The following PMEPA1 variants were observed in gnomAD, a reference collection of about 807,000 sequenced individuals.
The protein encoded by PMEPA1 is prostate transmembrane protein, androgen induced 1, also known as protein TMEPAI.
PMEPA1 carries 11 observed loss-of-function variants against 23.0 expected under a neutral mutation model. The ratio of observed to expected loss-of-function variants is 0.48; its 90% CI spans 0.30 to 0.79. The LOEUF (loss-of-function observed/expected upper bound fraction) is 0.79, where lower values mean the gene tolerates loss of function less well. PMEPA1 is among the 30% of genes least tolerant of loss of function. The probability of loss-of-function intolerance (pLI) is 0.06; values close to 1 mark genes in which losing one functional copy is unlikely to be tolerated. For synonymous variants in PMEPA1, 204 were observed against 166.4 expected (o/e 1.23, Z -1.74); for missense variants, 377 against 390.9 (o/e 0.96, Z 0.30).
chr20:57,679,083 G>T (rs776100531), intron 1 of PMEPA1, among the ~76,000 whole-genome samples: 1 of 152,206 alleles, frequency 6.6e-6, no homozygotes, highest in Non-Finnish European at 1.5e-5. Context: ...ACATGGAACA[G>T]AACTAGAGCA....
Position 57,656,763 on chromosome 20 carries a change from T to C in PMEPA1, c.264+2780A>G, listed in dbSNP as rs146575606. Among the ~76,000 whole-genome samples the C allele has an allele frequency of 1.9e-3, 292 of 152,194 alleles. No individual in the cohort carries two copies. Among genetic ancestry groups the C allele is most frequent in the African/African-American group, 6.6e-3 (273 of 41,538 alleles). On this transcript the variant is annotated intron_variant, in intron 2 of 3. Coordinates refer to ENST00000341744, the MANE Select transcript of PMEPA1 (RefSeq NM_020182.5). The surrounding 1 kb of genome is among the most constrained non-coding windows in gnomAD (Gnocchi z 4.7). ...GGTGAGGCACGAGCTCTTGTCTCCA[T>C]ACAGGCAAGAGGGGACCCCCAGGGT... is the stretch of plus-strand genomic sequence containing the variant.
intron 1 of PMEPA1, among the ~76,000 whole-genome samples, chr20:57,661,392 A>G (rs1331484766): frequency 1.3e-5 from 2 of 152,174 alleles, no homozygotes; most frequent in East Asian, 3.9e-4. Context: ...CCGGGGCCAA[A>G]GCTCCTCCAG....
chr20:57,680,294 A>T (rs2071695222), intron 1 of PMEPA1, among the ~76,000 whole-genome samples: 1 of 152,204 alleles, frequency 6.6e-6, no homozygotes, highest in African/African-American at 2.4e-5. Context: ...AGATGAAGGG[A>T]CTGGGACCTC....
At chr20:57,707,158 C>T (rs936979633) in intron 1 of PMEPA1, among the ~76,000 whole-genome samples, 3 of 152,140 alleles carry the variant, frequency 2.0e-5, no homozygotes, top group Non-Finnish European at 2.9e-5. Context: ...CAAACAACTC[C>T]CAGCATGTAC....
intron 1 of PMEPA1, among the ~76,000 whole-genome samples, chr20:57,669,991 C>CT (rs1467602740): frequency 6.6e-6 from 1 of 152,144 alleles, no homozygotes; most frequent in Admixed American, 6.5e-5. Context: ...CTGACAAGGG[C>CT]TGCTGCGGGA....
At position 57,704,289 on chromosome 20, in the gene PMEPA1, G is replaced by C. The variant is rs867980465; in HGVS notation, c.109+5185C>G. ...CTGGTTCCCTGGAGCCCACCCCAAA[G>C]ACAACTGAGTTTGCTTCCCTGAACC... On this transcript the variant is annotated intron_variant, in intron 1 of 3. Transcript: ENST00000341744. This position sits in a 1 kb window ranked among gnomAD's most constrained non-coding sequence, Gnocchi z 4.6. Among the ~76,000 whole-genome samples the C allele has an allele frequency of 6.6e-6, 1 of 152,088 alleles. No individual in the cohort carries two copies.
chr20:57,699,300 C>G (rs2071980887), intron 1 of PMEPA1, among the ~76,000 whole-genome samples: 1 of 152,218 alleles, frequency 6.6e-6, no homozygotes, highest in South Asian at 2.1e-4. Context: ...TCCCTACTTA[C>G]CATCGGCACC....
chr20:57,655,998 A>AGGCAGCTCCTCCCAGACCCCTCC lies in PMEPA1; in HGVS notation c.265-2935_265-2913dup, dbSNP rs1187414756. On this transcript the variant is annotated intron_variant, in intron 2 of 3. Coordinates refer to ENST00000341744, the MANE Select transcript of PMEPA1 (RefSeq NM_020182.5). This position sits in a 1 kb window ranked among gnomAD's most constrained non-coding sequence, Gnocchi z 4.2. Reference sequence around the variant, plus strand: ...AGGCAGCCGCAGTGAGCTGACGCTCAGGCAGCTCCTCCCAGACCCCTCCAG... The same window carrying AGGCAGCTCCTCCCAGACCCCTCC: ...AGGCAGCCGCAGTGAGCTGACGCTCAGGCAGCTCCTCCCAGACCCCTCCGGCAGCTCCTCCCAGACCCCTCCAG... 6.6e-6 allele frequency among the ~76,000 whole-genome samples: 1 copy of AGGCAGCTCCTCCCAGACCCCTCC among 152,036 alleles called. No individual in the cohort carries two copies. Among genetic ancestry groups the AGGCAGCTCCTCCCAGACCCCTCC allele is most frequent in the Non-Finnish European group, 1.5e-5 (1 of 67,978 alleles).
At chr20:57,688,666 G>T (rs185031641) in intron 1 of PMEPA1, among the ~76,000 whole-genome samples, 309 of 152,300 alleles carry the variant, frequency 2.0e-3, no homozygotes, top group Non-Finnish European at 2.4e-3. Context: ...AAGGAATCAC[G>T]GCAAATGCTC....
At chr20:57,700,251 C>G (rs1032185343) in intron 1 of PMEPA1, 2 of 425,026 alleles carry the variant, frequency 4.7e-6, no homozygotes, top group Non-Finnish European at 9.9e-6. Context: ...CATGCTTTAC[C>G]GAACATGTTC....
chr20:57,659,472 C>A lies in PMEPA1; in HGVS notation c.264+71G>T, dbSNP rs183519378. 2.5e-4 allele frequency: 380 copies of A among 1,506,238 alleles called. No individual in the cohort carries two copies. The East Asian group carries it at 8.0e-3, about 32-fold the overall frequency. The allele number at this position is 1,506,238 out of a possible 1,614,324, so 93.3% of individuals were successfully genotyped here. ...TCCTGCAAACGCTGCCATTGGATCCCGTCTGAGTTTTTACAAGGGGCGTCC... is the reference window on the plus strand; with the variant it reads ...TCCTGCAAACGCTGCCATTGGATCCAGTCTGAGTTTTTACAAGGGGCGTCC... On this transcript the variant is annotated intron_variant, in intron 2 of 3. Transcript: ENST00000341744.
chr20:57,699,594 G>A (rs1600672886), intron 1 of PMEPA1, among the ~76,000 whole-genome samples: 1 of 152,348 alleles, frequency 6.6e-6, no homozygotes, highest in East Asian at 1.9e-4. Flanking sequence ...GGGGTGCAGG[G>A]CAGTCTCTCG....
At position 57,677,844 on chromosome 20, in the gene PMEPA1, T is replaced by G. The variant is rs181615772; in HGVS notation, c.110-18147A>C. Among the ~76,000 whole-genome samples the G allele has an allele frequency of 3.3e-5, 5 of 152,326 alleles. No individual in the cohort carries two copies. In the East Asian group the frequency reaches 7.7e-4, roughly 23 times the overall value. On this transcript the variant is annotated intron_variant, in intron 1 of 3. Transcript: ENST00000341744. ...GGTTAAACTAACCATGGTGCATTCATACCTTGGAACACTACGCAGCAACAA... is the reference window on the plus strand; with the variant it reads ...GGTTAAACTAACCATGGTGCATTCAGACCTTGGAACACTACGCAGCAACAA...
At chr20:57,698,334 G>A (rs1393442139) in intron 1 of PMEPA1, among the ~76,000 whole-genome samples, 1 of 152,132 alleles carries the variant, frequency 6.6e-6, no homozygotes, top group Non-Finnish European at 1.5e-5. Context: ...ATCATAAACA[G>A]ATTAGAAAAC....
intron 1 of PMEPA1, among the ~76,000 whole-genome samples, chr20:57,671,736 A>G (rs2071571275): frequency 6.6e-6 from 1 of 152,188 alleles, no homozygotes; most frequent in East Asian, 1.9e-4. Context: ...CTGAGCTTGG[A>G]GCTGGATCAT....
At chr20:57,674,728 C>A (rs2071613261) in intron 1 of PMEPA1, among the ~76,000 whole-genome samples, 1 of 152,340 alleles carries the variant, frequency 6.6e-6, no homozygotes, top group African/African-American at 2.4e-5. Context: ...CCTTCCTATT[C>A]CCTCACTGCG....
At chr20:57,653,227 C>T (rs78877868) in intron 2 of PMEPA1, 141 bp from the exon 3 acceptor site, 30,901 of 721,468 alleles carry the variant, frequency 0.043, 972 homozygotes, top group African/African-American at 0.12. Flanking sequence ...GAACCAGCTT[C>T]CCCAGCCCCT....
Position 57,704,532 on chromosome 20 carries a change from G to A in PMEPA1, c.109+4942C>T, listed in dbSNP as rs1389185685. Among the ~76,000 whole-genome samples, 1 of 152,206 alleles carries A rather than the reference G, an allele frequency of 6.6e-6. No individual in the cohort carries two copies. The highest frequency in any genetic ancestry group is 1.5e-5 in the Non-Finnish European group (1 of 68,038). On this transcript the variant is annotated intron_variant, in intron 1 of 3. Transcript: ENST00000341744. This position sits in a 1 kb window ranked among gnomAD's most constrained non-coding sequence, Gnocchi z 4.6. ...CGTACAGAACCCGAGGCTGGCAGCA[G>A]CACAGCCTCCGAAATTCACCGTGTA...
chr20:57,661,751 C>T (rs532087982), intron 1 of PMEPA1, among the ~76,000 whole-genome samples: 15 of 152,336 alleles, frequency 9.8e-5, no homozygotes, highest in East Asian at 7.7e-4. Context: ...CCACCAGCCT[C>T]GCTCTCCCCA....
Sources: gnomAD v4.1 joint callset for allele counts (sites outside exome capture counted in the v4.1 genomes callset) on GRCh38, gnomAD v4.1.1 for gene constraint, Gnocchi (gnomAD v3.1) non-coding constraint, MANE v1.5 for transcripts, NCBI Gene and HGNC (gene_info 2026-07-23, HGNC 2026-07-21) for gene names.